Variants in HGF observed in about 807,000 individuals in gnomAD.
The protein encoded by HGF is fibroblast-derived tumor cytotoxic factor.
In HGF, 39 loss-of-function variants were observed where a neutral mutation model predicts 111.6. The ratio of observed to expected loss-of-function variants is 0.35; its 90% CI spans 0.27 to 0.46. HGF has a LOEUF of 0.46. Ranked by LOEUF, HGF falls within the 20% of genes least tolerant of loss-of-function variation. HGF has a pLI of 1.00. For missense variants in HGF, 735 were observed against 910.5 expected (o/e 0.81, Z 2.48); for synonymous variants, 285 against 294.8 (o/e 0.97, Z 0.34).
intron 3 of HGF, among the ~76,000 whole-genome samples, chr7:81,757,899 T>A (rs191851768): frequency 6.6e-6 from 1 of 152,142 alleles, no homozygotes; most frequent in African/African-American, 2.4e-5. Flanking sequence ...AAGAATGGTG[T>A]TATACTAGAT....
At chr7:81,738,045 T>C (rs750645529) in intron 7 of HGF, among the ~76,000 whole-genome samples, 3 of 151,890 alleles carry the variant, frequency 2.0e-5, no homozygotes, top group Non-Finnish European at 4.4e-5. Context: ...CATGGACACA[T>C]AGAGGGGAAC....
At chr7:81,750,888 T>A in intron 5 of HGF, 1 of 807,358 alleles carries the variant, frequency 1.2e-6, no homozygotes, top group Non-Finnish European at 1.5e-6. Flanking sequence ...CAAAACAGAC[T>A]TGTTCAAAAC....
chr7:81,723,906 A>G (rs1310303095), intron 9 of HGF, among the ~76,000 whole-genome samples: 1 of 151,714 alleles, frequency 6.6e-6, no homozygotes, highest in Non-Finnish European at 1.5e-5. Context: ...AGATAGATCT[A>G]TCTGTAGATA....
At chr7:81,750,580 C>T (rs913860123) in intron 5 of HGF, among the ~76,000 whole-genome samples, 4 of 152,238 alleles carry the variant, frequency 2.6e-5, no homozygotes, top group East Asian at 1.9e-4. Flanking sequence ...TAATCTATGT[C>T]GCCTAGCAGT....
intron 15 of HGF, 144 bp from the exon 16 acceptor site, chr7:81,705,897 G>A (rs1583914352): frequency 3.1e-6 from 2 of 644,554 alleles, no homozygotes; most frequent in African/African-American, 1.9e-5. Flanking sequence ...AGGTGGGAAT[G>A]TCCAAATGTA....
chr7:81,720,719 A>G (rs762613384), intron 10 of HGF, 26 bp downstream of exon 10: 1 of 1,253,618 alleles, frequency 8.0e-7, no homozygotes, highest in Non-Finnish European at 1.2e-6. Flanking sequence ...TACATTCTAT[A>G]TATTGAAAGG....
At chr7:81,716,618 T>C (rs1403196966) in intron 11 of HGF, among the ~76,000 whole-genome samples, 1 of 152,198 alleles carries the variant, frequency 6.6e-6, no homozygotes, top group South Asian at 2.1e-4. Flanking sequence ...ATCTAGGGAC[T>C]TTTTAATATG....
At chr7:81,764,190 C>T (rs1041099526) in intron 1 of HGF, among the ~76,000 whole-genome samples, 1 of 152,066 alleles carries the variant, frequency 6.6e-6, no homozygotes, top group South Asian at 2.1e-4. Context: ...TGCCATCATA[C>T]TCTAAGTTTG....
At chr7:81,704,095 A>G (rs1583911698) in intron 17 of HGF, among the ~76,000 whole-genome samples, 1 of 151,806 alleles carries the variant, frequency 6.6e-6, no homozygotes, top group Non-Finnish European at 1.5e-5. Context: ...TGTCAGTGAC[A>G]TATATATTTT....
intron 7 of HGF, among the ~76,000 whole-genome samples, chr7:81,740,836 C>A (rs1017789693): frequency 6.6e-6 from 1 of 152,152 alleles, no homozygotes; most frequent in Non-Finnish European, 1.5e-5. Context: ...GAGGTAGGCA[C>A]CTTGATCAGG....
chr7:81,709,254 T>C (rs766079295), intron 13 of HGF, among the ~76,000 whole-genome samples: 1 of 152,224 alleles, frequency 6.6e-6, no homozygotes, highest in East Asian at 1.9e-4. Context: ...CCACAGTGTG[T>C]TGTGGGAACA....
chr7:81,729,500 C>T, intron 8 of HGF, 105 bp downstream of exon 8: 1 of 811,034 alleles, frequency 1.2e-6, no homozygotes, highest in East Asian at 2.5e-5. Flanking sequence ...TATCACTGGG[C>T]ACGCTGAAGT....
At chr7:81,722,669 C>T (rs1433049134) in intron 9 of HGF, among the ~76,000 whole-genome samples, 1 of 150,574 alleles carries the variant, frequency 6.6e-6, no homozygotes, top group African/African-American at 2.4e-5. Context: ...AAAAAATTAG[C>T]TGGGTGTGGT....
At chr7:81,749,228 T>C (rs1788393929) in intron 5 of HGF, among the ~76,000 whole-genome samples, 1 of 152,148 alleles carries the variant, frequency 6.6e-6, no homozygotes, top group African/African-American at 2.4e-5. Flanking sequence ...GGATTTTAAA[T>C]GTATTGTATT....
intron 9 of HGF, among the ~76,000 whole-genome samples, chr7:81,722,713 C>T (rs1175230290): frequency 1.4e-5 from 2 of 147,264 alleles, no homozygotes; most frequent in African/African-American, 5.0e-5. Context: ...ACTCAGGAGG[C>T]TGAGGCAGGA....
chr7:81,747,155 G>A (rs550509654), intron 5 of HGF, among the ~76,000 whole-genome samples: 241 of 152,166 alleles, frequency 1.6e-3, no homozygotes, highest in Non-Finnish European at 2.7e-3. Flanking sequence ...TGGCTAACAC[G>A]GTGAAACCCC....
chr7:81,751,656 T>C (rs1788510732), intron 5 of HGF: 2 of 1,001,384 alleles, frequency 2.0e-6, no homozygotes, highest in Non-Finnish European at 2.4e-6. Flanking sequence ...GATCCCTTCT[T>C]ATATTGTATT....
intron 17 of HGF, among the ~76,000 whole-genome samples, chr7:81,704,474 A>C (rs1173546456): frequency 6.6e-6 from 1 of 151,768 alleles, no homozygotes; most frequent in Non-Finnish European, 1.5e-5. Flanking sequence ...CTAGAAAGGC[A>C]ACAAATTTGA....
At chr7:81,736,478 A>G (rs1179391888) in intron 7 of HGF, among the ~76,000 whole-genome samples, 2 of 152,030 alleles carry the variant, frequency 1.3e-5, no homozygotes, top group Admixed American at 1.3e-4. Context: ...ATTCTATTTT[A>G]TTGTTGTTGT....
Sources: gnomAD v4.1 joint callset for allele counts (sites outside exome capture counted in the v4.1 genomes callset) on GRCh38, gnomAD v4.1.1 for gene constraint, MANE v1.5 for transcripts, NCBI Gene and HGNC (gene_info 2026-07-23, HGNC 2026-07-21) for gene names.